The following HIGD1B variants were observed in gnomAD, a reference collection of about 807,000 sequenced individuals.
The protein encoded by HIGD1B is HIG1 domain family member 1B.
In HIGD1B, 9 loss-of-function variants were observed where a neutral mutation model predicts 8.8. The observed-to-expected ratio is 1.02, with a 90% confidence interval of 0.62 to 1.78. HIGD1B has a LOEUF of 1.78. Ranked by LOEUF, HIGD1B falls within the 40% of genes most tolerant of loss-of-function variation. The probability of loss-of-function intolerance (pLI) is 0.00; values close to 1 mark genes in which losing one functional copy is unlikely to be tolerated. For synonymous variants in HIGD1B, 47 were observed against 38.8 expected (o/e 1.21, Z -0.78); for missense variants, 126 against 111.8 (o/e 1.13, Z -0.57).
At position 44,850,364 on chromosome 17, in the gene HIGD1B, A is replaced by G. The variant is rs1306622984; in HGVS notation, c.268A>G (p.Lys90Glu). ...AVYTMYSDYV[K>E]RMAQDAGEK ...GTACACAATGTACAGCGATTACGTC[A>G]AGAGGATGGCACAGGATGCTGGAGA... The change falls in exon 3 of 3, where the codon AAG (lysine) becomes GAG (glutamate). Residue 90 changes from lysine to glutamate, a missense_variant. Lys to Glu is a moderately conservative substitution (Grantham distance 56). Coordinates refer to ENST00000253410, the MANE Select transcript of HIGD1B (RefSeq NM_016438.4). 6.2e-7 allele frequency: 1 copy of G among 1,613,368 alleles called. No individual in the cohort carries two copies. Among genetic ancestry groups the G allele is most frequent in the African/African-American group, 1.3e-5 (1 of 74,936 alleles).
In HIGD1B at chr17:44,848,098, C is replaced by T; in HGVS notation, c.-55C>T. The T allele has an allele frequency of 1.2e-6, 1 of 834,932 alleles. No individual in the cohort carries two copies. 51.7% of individuals were successfully genotyped at this position (834,932 alleles called of 1,614,324 possible). On this transcript the variant is annotated 5_prime_UTR_variant, in exon 1 of 3. Coordinates refer to ENST00000253410, the MANE Select transcript of HIGD1B (RefSeq NM_016438.4). ...AGTTCTGATTGTGGAGTGCCTCTCT[C>T]TAGGACGGGGCTGCAGCATAGGAGT...
chr17:44,849,449 TTAA>T, intron 2 of HIGD1B, 61 bp downstream of exon 2: 1 of 1,593,694 alleles, frequency 6.3e-7, no homozygotes, highest in East Asian at 2.2e-5. Context: ...TTGTAGGTCT[TTAA>T]GTCCCAACAA....
upstream of HIGD1B, among the ~76,000 whole-genome samples, chr17:44,846,883 C>T (rs948721847): frequency 7.2e-5 from 11 of 152,080 alleles, no homozygotes; most frequent in Admixed American, 3.3e-4. Context: ...TACCTGTAAT[C>T]CCTGCACTTT....
chr17:44,849,125 C>G lies in HIGD1B; in HGVS notation c.101-129C>G. The G allele has an allele frequency of 2.6e-6, 3 of 1,135,564 alleles. No homozygotes were observed. In the South Asian group the frequency reaches 4.5e-5, roughly 17 times the overall value. 70.3% of individuals were successfully genotyped at this position (1,135,564 alleles called of 1,614,324 possible). A position where few individuals can be genotyped will look rare whatever the true frequency, so the allele number is the denominator to read the frequency against. On this transcript the variant is annotated intron_variant, in intron 1 of 2. Coordinates refer to ENST00000253410, the MANE Select transcript of HIGD1B (RefSeq NM_016438.4). ...CCCTAGGTCCCCCGCAACGCCCACC[C>G]CCCGCCACCAGATGCTGCATAAAAC...
intron 1 of HIGD1B, 137 bp from the exon 2 acceptor site, chr17:44,849,117 C>T (rs773080528): frequency 1.6e-5 from 16 of 989,122 alleles, no homozygotes; most frequent in African/African-American, 6.5e-5. Context: ...TCCCCCGCAA[C>T]GCCCACCCCC....
chr17:44,848,344 A>G, intron 1 of HIGD1B, 92 bp downstream of exon 1: 2 of 740,728 alleles, frequency 2.7e-6, no homozygotes, highest in Non-Finnish European at 2.4e-6. Context: ...GAGGTCAGAA[A>G]ACTCAAGTGG....
chr17:44,848,937 G>A (rs1051538868), intron 1 of HIGD1B, among the ~76,000 whole-genome samples: 2 of 151,936 alleles, frequency 1.3e-5, no homozygotes, highest in African/African-American at 2.4e-5. Flanking sequence ...CACCACGCCC[G>A]GCTAATTTTG....
upstream of HIGD1B, among the ~76,000 whole-genome samples, chr17:44,845,932 G>GAA (rs879399039): frequency 7.1e-6 from 1 of 141,844 alleles, no homozygotes. Context: ...CTCCATCTCG[G>GAA]AAAAAAAAAA....
upstream of HIGD1B, among the ~76,000 whole-genome samples, chr17:44,845,930 C>A (rs1432722751): frequency 1.3e-5 from 2 of 149,896 alleles, no homozygotes; most frequent in African/African-American, 2.5e-5. Flanking sequence ...GACTCCATCT[C>A]GGAAAAAAAA....
chr17:44,848,341 G>T, intron 1 of HIGD1B, 89 bp downstream of exon 1: 1 of 746,956 alleles, frequency 1.3e-6, no homozygotes, highest in South Asian at 1.5e-5. Context: ...GCAGAGGTCA[G>T]AAAACTCAAG....
chr17:44,850,292 G>T, intron 2 of HIGD1B, 40 bp from the exon 3 acceptor site: 1 of 1,561,862 alleles, frequency 6.4e-7, no homozygotes, highest in Non-Finnish European at 8.8e-7. Flanking sequence ...CGGGTGAAGG[G>T]TTTGATGCCA....
chr17:44,848,227 T>C lies in HIGD1B; in HGVS notation c.75T>C (p.Thr25=), dbSNP rs2050345875. ...TGTCTGAGAAGCTCCTGAGGAAGAC[T>C]CGGGAATCTCCACTGGTGCCTATAG... ...DCVSEKLLRK[T]RESPLVPIGL... The change falls in exon 1 of 3, where the codon ACT becomes ACC. Residue 25 remains threonine, a synonymous_variant. Transcript: ENST00000253410. The C allele has an allele frequency of 2.3e-6, 2 of 872,748 alleles. No homozygotes were observed. Among genetic ancestry groups the C allele is most frequent in the Admixed American group, 1.7e-5 (1 of 59,154 alleles). The allele number at this position is 872,748 out of a possible 1,614,324, so 54.1% of individuals were successfully genotyped here.
chr17:44,849,135 A>C, intron 1 of HIGD1B, 119 bp from the exon 2 acceptor site: 52 of 981,604 alleles, frequency 5.3e-5, no homozygotes, highest in East Asian at 1.3e-4. Context: ...CCCCGCCACC[A>C]GATGCTGCAT....
intron 2 of HIGD1B, chr17:44,849,897 C>CA: frequency 5.4e-6 from 1 of 186,110 alleles, no homozygotes; most frequent in East Asian, 1.3e-4. Flanking sequence ...GGGACAGTGT[C>CA]TCATGACAGT....
Position 44,847,985 on chromosome 17 carries a change from C to T in HIGD1B, c.-168C>T. On this transcript the variant is annotated 5_prime_UTR_variant, in exon 1 of 3. Transcript: ENST00000253410. ...CCTGAGATGGGATACCTGGGAGGGA[C>T]ATCTTTTCAAGTAGAGGCTGTGTTG... 1 of 507,558 alleles carries T rather than the reference C, an allele frequency of 2.0e-6. No homozygotes were observed. The highest frequency in any genetic ancestry group is 3.5e-6 in the Non-Finnish European group (1 of 285,182). 31.4% of individuals were successfully genotyped at this position (507,558 alleles called of 1,614,324 possible).
At chr17:44,847,144 CAAA>C (rs2050331154), upstream of HIGD1B, among the ~76,000 whole-genome samples, 1 of 150,510 alleles carries the variant, frequency 6.6e-6, no homozygotes, top group Non-Finnish European at 1.5e-5. Context: ...CTCAAAAAAA[CAAA>C]AAAGGGCCGG....
At chr17:44,848,365 G>A (rs1205983102) in intron 1 of HIGD1B, 113 bp downstream of exon 1, 17 of 659,060 alleles carry the variant, frequency 2.6e-5, no homozygotes, top group Non-Finnish European at 3.5e-5. Flanking sequence ...TCCTACTCAC[G>A]GAACAAGGGA....
intron 1 of HIGD1B, among the ~76,000 whole-genome samples, chr17:44,848,787 A>G (rs2050364859): frequency 6.6e-6 from 1 of 151,890 alleles, no homozygotes; most frequent in African/African-American, 2.4e-5. Context: ...ATATATATAT[A>G]TATTTTTGAG....
rs1368344506 is a variant in HIGD1B at position 44,848,037 on chromosome 17, G to A, written c.-116G>A. 1 of 659,740 alleles carries A rather than the reference G, an allele frequency of 1.5e-6. No individual in the cohort carries two copies. Among genetic ancestry groups the A allele is most frequent in the Non-Finnish European group, 2.7e-6 (1 of 365,966 alleles). The allele number at this position is 659,740 out of a possible 1,614,324, so 40.9% of individuals were successfully genotyped here. A position where few individuals can be genotyped will look rare whatever the true frequency, so the allele number is the denominator to read the frequency against. On this transcript the variant is annotated 5_prime_UTR_variant, in exon 1 of 3. Coordinates refer to ENST00000253410, the MANE Select transcript of HIGD1B (RefSeq NM_016438.4). ...GGCATGGTGAGAGAGGGTCTTAGCA[G>A]GTAACCTTCCTTTCCTCTCCAGACT...
Sources: allele counts gnomAD v4.1 joint callset (sites outside exome capture counted in the v4.1 genomes callset), GRCh38; gene constraint gnomAD v4.1.1; transcripts MANE v1.5; gene names NCBI Gene and HGNC (gene_info 2026-07-23, HGNC 2026-07-21).